The following MED1 variants were observed in gnomAD, a reference collection of about 807,000 sequenced individuals.
MED1 encodes mediator complex subunit 1, also known as mediator of RNA polymerase II transcription subunit 1.
Under a neutral mutation model 121.3 loss-of-function variants are expected in MED1, and 17 were observed. The observed-to-expected ratio is 0.14, with a 90% CI of 0.10 to 0.21. The LOEUF is 0.21. Among genes scored for constraint, MED1 ranks in the 10% least tolerant of loss-of-function variants. The probability of loss-of-function intolerance (pLI) is 1.00; values close to 1 mark genes in which losing one functional copy is unlikely to be tolerated. For missense variants in MED1, 1,558 were observed against 1,919.4 expected, an observed-to-expected ratio of 0.81 and a Z score of 3.52; for synonymous variants, 661 against 694.4, an observed-to-expected ratio of 0.95 and a Z score of 0.76.
chr17:39,417,413 G>A (rs1225320992), intron 14 of MED1, among the ~76,000 whole-genome samples: 2 of 151,888 alleles, frequency 1.3e-5, no homozygotes, highest in South Asian at 2.1e-4. Flanking sequence ...CAGATCACGA[G>A]GTCAGGAGAT....
rs780613901 is a variant in MED1 at position 39,409,696 on chromosome 17, A to G, written c.2525T>C (p.Ile842Thr). ...ENPYTDPADL[I>T]ADAAGSPSSD... ...ACTGGGGCTTCCAGCAGCATCTGCA[A>G]TAAGATCAGCTGGATCAGTGTATGG... Residue 842 changes from isoleucine (I) to threonine (T), a missense_variant, in exon 17 of 17, where the codon ATT (isoleucine) becomes ACT (threonine). Physicochemically the swap from Ile to Thr is moderately conservative, Grantham distance 89. This residue lies in a region of MED1 where 793 missense variants were observed against 898.2 expected (regional missense o/e 0.88). Transcript: ENST00000300651. The G allele has an allele frequency of 2.5e-6, 4 of 1,614,070 alleles. No homozygotes were observed. The highest frequency in any genetic ancestry group is 3.3e-5 in the Admixed American group (2 of 60,002).
intron 16 of MED1, among the ~76,000 whole-genome samples, chr17:39,414,024 C>T (rs1375801034): frequency 2.0e-5 from 3 of 150,040 alleles, no homozygotes; most frequent in African/African-American, 4.9e-5. Flanking sequence ...GTCAGGAGTT[C>T]GAGACCAGCC....
rs927395342 is a variant in MED1 at position 39,405,887 on chromosome 17, A to G, written c.*1588T>C. 2.0e-6 allele frequency: 2 copies of G among 985,650 alleles called. No individual in the cohort carries two copies. Among genetic ancestry groups the G allele is most frequent in the Admixed American group, 6.1e-5 (1 of 16,286 alleles). The allele number at this position is 985,650 out of a possible 1,614,324, so 61.1% of individuals were successfully genotyped here. ...ATGATGAAGTCACTCCACTTACGAC[A>G]TAACACACAAAGGAATCACCTGGCT... On this transcript the variant is annotated 3_prime_UTR_variant, in exon 17 of 17. Coordinates refer to ENST00000300651, the MANE Select transcript of MED1 (RefSeq NM_004774.4).
intron 1 of MED1, among the ~76,000 whole-genome samples, chr17:39,448,839 G>C (rs901345577): frequency 6.6e-6 from 1 of 152,060 alleles, no homozygotes; most frequent in Admixed American, 6.6e-5. Flanking sequence ...AACCCAGGAG[G>C]CGGAGGTTGC....
rs1567652006 is a variant in MED1, at chr17:39,440,021, A to AAGGAAGGAAGGAAG, written c.399+364_399+365insCTTCCTTCCTTCCT. On this transcript the variant is annotated intron_variant, in intron 5 of 16. Coordinates refer to ENST00000300651, the MANE Select transcript of MED1 (RefSeq NM_004774.4). This position sits in a 1 kb window ranked among gnomAD's most constrained non-coding sequence, Gnocchi z 4.1. ...AGGAAGGAAGGAAGGAAGGAAGGAAAGAAAGAAAGAAAGAGAGAAAGAGAA... is the reference window on the plus strand; with the variant it reads ...AGGAAGGAAGGAAGGAAGGAAGGAAAAGGAAGGAAGGAAGGAAAGAAAGAAAGAGAGAAAGAGAA... 0.014 allele frequency among the ~76,000 whole-genome samples: 1,074 copies of AAGGAAGGAAGGAAG among 74,532 alleles called. 2 individuals are homozygous for AAGGAAGGAAGGAAG. Among genetic ancestry groups the AAGGAAGGAAGGAAG allele is most frequent in the Non-Finnish European group, 0.026 (763 of 29,778 alleles). The allele number at this position is 74,532 out of a possible 152,430, so 48.9% of individuals were successfully genotyped here.
intron 16 of MED1, among the ~76,000 whole-genome samples, chr17:39,413,468 G>A (rs117608214): frequency 0.02 from 3,036 of 152,136 alleles, 50 homozygotes; most frequent in Non-Finnish European, 0.028. Context: ...CAACATGTTG[G>A]CCAGGCTGGT....
chr17:39,429,407 G>A (rs1179011240), intron 9 of MED1, among the ~76,000 whole-genome samples: 5 of 150,944 alleles, frequency 3.3e-5, no homozygotes, highest in South Asian at 2.1e-4. Flanking sequence ...AGAAATCATC[G>A]CAAAAAGCCC....
chr17:39,410,810 AAGC>A, intron 16 of MED1, 89 bp from the exon 17 acceptor site: 1 of 1,499,608 alleles, frequency 6.7e-7, no homozygotes, highest in Non-Finnish European at 8.9e-7. Context: ...GTTTTGCAGT[AAGC>A]AGTTTTCAGG....
chr17:39,448,425 A>G (rs1597877797), intron 1 of MED1, among the ~76,000 whole-genome samples: 1 of 151,964 alleles, frequency 6.6e-6, no homozygotes, highest in Non-Finnish European at 1.5e-5. Context: ...GCCTGTAGTC[A>G]GTCCCCAGCT....
Position 39,409,997 on chromosome 17 carries a change from G to C in MED1, c.2224C>G (p.Pro742Ala). 6.2e-7 allele frequency: 1 copy of C among 1,614,136 alleles called. No individual in the cohort carries two copies. The highest frequency in any genetic ancestry group is 8.5e-7 in the Non-Finnish European group (1 of 1,180,028). ...GTTGGGGGAGTGCTACACTGGCTTGGAGCTGGAGTGATGTGTGGCGTATCC... is the reference window on the plus strand; with the variant it reads ...GTTGGGGGAGTGCTACACTGGCTTGCAGCTGGAGTGATGTGTGGCGTATCC... ...TLDTPHITPA[P>A]SQCSTPPTTY... The change falls in exon 17 of 17, where the codon CCA becomes GCA. Residue 742 changes from proline to alanine, a missense_variant. By Grantham distance (27) the Pro-to-Ala change is conservative. This residue lies in a region of MED1 where 793 missense variants were observed against 898.2 expected (regional missense o/e 0.88). Transcript: ENST00000300651.
intron 6 of MED1, among the ~76,000 whole-genome samples, chr17:39,437,894 A>T (rs2048634831): frequency 1.3e-5 from 2 of 151,966 alleles, no homozygotes; most frequent in Non-Finnish European, 2.9e-5. Flanking sequence ...AGATCACACC[A>T]TTGCACTCCA....
At position 39,406,675 on chromosome 17, in the gene MED1, T is replaced by C; in HGVS notation, c.*800A>G. 1 of 983,848 alleles carries C rather than the reference T, an allele frequency of 1.0e-6. No homozygotes were observed. Among genetic ancestry groups the C allele is most frequent in the Non-Finnish European group, 1.2e-6 (1 of 829,526 alleles). 60.9% of individuals were successfully genotyped at this position (983,848 alleles called of 1,614,324 possible). On this transcript the variant is annotated 3_prime_UTR_variant, in exon 17 of 17. Coordinates refer to ENST00000300651, the MANE Select transcript of MED1 (RefSeq NM_004774.4). ...TATTTAAACCCTCCTAAAATAAAAA[T>C]ATCATTTTGGTTTTTCTATTATATT...
intron 9 of MED1, among the ~76,000 whole-genome samples, chr17:39,429,421 C>T (rs1173885308): frequency 6.6e-6 from 1 of 151,118 alleles, no homozygotes; most frequent in Non-Finnish European, 1.5e-5. Flanking sequence ...AAAGCCCAGG[C>T]GCAGTGGCTC....
Position 39,451,166 on chromosome 17 carries a change from G to T in MED1, c.-104C>A. ...CGGGATCCCGGGACGCAGGGCACCA[G>T]CAGTCCCTACTCTTCCCGGGAAGGA... On this transcript the variant is annotated 5_prime_UTR_variant, in exon 1 of 17. It adds an upstream start codon to the 5' untranslated region. Coordinates refer to ENST00000300651, the MANE Select transcript of MED1 (RefSeq NM_004774.4). 1 of 1,315,624 alleles carries T rather than the reference G, an allele frequency of 7.6e-7. No individual in the cohort carries two copies. The highest frequency in any genetic ancestry group is 1.1e-6 in the Non-Finnish European group (1 of 918,550). The allele number at this position is 1,315,624 out of a possible 1,614,324, so 81.5% of individuals were successfully genotyped here. A position where few individuals can be genotyped will look rare whatever the true frequency, so the allele number is the denominator to read the frequency against.
intron 9 of MED1, among the ~76,000 whole-genome samples, chr17:39,430,048 A>G (rs2048551337): frequency 6.6e-6 from 1 of 152,082 alleles, no homozygotes; most frequent in South Asian, 2.1e-4. Context: ...GCACGACTGC[A>G]CTCCAGCCTG....
In MED1 at chr17:39,405,583, C is replaced by T. The variant is rs1343194301; in HGVS notation, c.*1892G>A. The T allele has an allele frequency of 7.9e-7, 1 of 1,258,884 alleles. No individual in the cohort carries two copies. Among genetic ancestry groups the T allele is most frequent in the Non-Finnish European group, 1.0e-6 (1 of 996,804 alleles). 78.0% of individuals were successfully genotyped at this position (1,258,884 alleles called of 1,614,324 possible). A position where few individuals can be genotyped will look rare whatever the true frequency, so the allele number is the denominator to read the frequency against. ...ACTGTATCAACATCACAAGATAAAG[C>T]ACTCTGGTATCACCTGCCCATATCC... On this transcript the variant is annotated 3_prime_UTR_variant, in exon 17 of 17. Transcript: ENST00000300651.
Position 39,431,158 on chromosome 17 carries a change from C to A in MED1, c.606G>T (p.Lys202Asn). 1 of 1,613,704 alleles carries A rather than the reference C, an allele frequency of 6.2e-7. No individual in the cohort carries two copies. The highest frequency in any genetic ancestry group is 8.5e-7 in the Non-Finnish European group (1 of 1,179,614). Residue 202 changes from lysine to asparagine, a missense_variant, in exon 9 of 17, where the codon AAG (lysine) becomes AAT (asparagine). Physicochemically the swap from Lys to Asn is moderately conservative, Grantham distance 94 (BLOSUM62 0). This residue lies in a region of MED1 where 443 missense variants were observed against 532.4 expected (regional missense o/e 0.83). Transcript: ENST00000300651. ...WKATNAGPLD[K>N]ILHGSVGYLT... Reference sequence around the variant, plus strand: ...GATAGCCAACACTTCCATGAAGAATCTTATCCAAGGGACCAGCATTAGTTG... The same window carrying A: ...GATAGCCAACACTTCCATGAAGAATATTATCCAAGGGACCAGCATTAGTTG...
chr17:39,445,961 G>A (rs928526231), intron 2 of MED1, among the ~76,000 whole-genome samples: 2 of 150,932 alleles, frequency 1.3e-5, no homozygotes, highest in African/African-American at 2.4e-5. Context: ...CCCAGGAGGC[G>A]GAGGATGCAG....
intron 8 of MED1, among the ~76,000 whole-genome samples, chr17:39,431,538 C>T (rs1411656215): frequency 6.6e-6 from 1 of 152,206 alleles, no homozygotes; most frequent in Non-Finnish European, 1.5e-5. Context: ...CTCGGCCTCC[C>T]AAAGTGCTGG....
Sources: gnomAD v4.1 joint callset for allele counts (sites outside exome capture counted in the v4.1 genomes callset) on GRCh38, gnomAD v4.1.1 for gene constraint, gnomAD v4.1.1 regional missense constraint, Gnocchi (gnomAD v3.1) non-coding constraint, MANE v1.5 for transcripts, NCBI Gene and HGNC (gene_info 2026-07-23, HGNC 2026-07-21) for gene names.